VTI1A: variants seen among roughly 807,000 people sequenced by gnomAD.
VTI1A encodes vesicle transport through interaction with t-SNAREs 1A, also known as vesicle transport through interaction with t-SNAREs homolog 1A.
VTI1A carries 22 observed loss-of-function variants against 34.9 expected under a neutral mutation model. That is an observed-to-expected ratio of 0.63 (90% CI 0.45 to 0.90). VTI1A has a LOEUF of 0.90. Among genes scored for constraint, VTI1A ranks in the 40% least tolerant of loss-of-function variants. The pLI is 0.00. For synonymous variants in VTI1A, 87 were observed against 97.3 expected (o/e 0.89, Z 0.62); for missense variants, 268 against 275.6 (o/e 0.97, Z 0.20).
At chr10:112,850,358 G>GA in the VTI1A span, among the ~76,000 whole-genome samples, 8,286 of 143,570 alleles carry the variant, frequency 0.058, 526 homozygotes, top group African/African-American at 0.16. Context: ...ACCTTTAAAG[G>GA]AAAAAAAAAA....
intron 4 of VTI1A, 45 bp from the exon 5 acceptor site, chr10:112,538,201 T>C: frequency 6.4e-7 from 1 of 1,565,218 alleles, no homozygotes; most frequent in Non-Finnish European, 8.8e-7. Flanking sequence ...AAAAGAACAT[T>C]GTAGACGGCC....
At chr10:112,590,199 A>C (rs1206685835) in intron 5 of VTI1A, among the ~76,000 whole-genome samples, 1 of 152,154 alleles carries the variant, frequency 6.6e-6, no homozygotes, top group African/African-American at 2.4e-5. Context: ...AGTTTAGTTG[A>C]TATTAAGAAA....
chr10:112,747,113 A>G (rs1564909871), intron 7 of VTI1A, among the ~76,000 whole-genome samples: 1 of 152,218 alleles, frequency 6.6e-6, no homozygotes, highest in East Asian at 1.9e-4. Context: ...ACTGTTACAC[A>G]GTGAGGTCCA....
chr10:112,587,797 G>A (rs1368973574), intron 5 of VTI1A, among the ~76,000 whole-genome samples: 1 of 152,076 alleles, frequency 6.6e-6, no homozygotes, highest in Non-Finnish European at 1.5e-5. Flanking sequence ...AGTATTAGGG[G>A]AGAAAATGAC....
chr10:112,830,849 A>ATATTTTTT, the VTI1A span, among the ~76,000 whole-genome samples: 5 of 33,498 alleles, frequency 1.5e-4, no homozygotes, highest in South Asian at 4.8e-3. Flanking sequence ...ATATATATAT[A>ATATTTTTT]TTTTTTTTTT....
chr10:112,562,636 T>A (rs1283328039), intron 5 of VTI1A, among the ~76,000 whole-genome samples: 1 of 152,076 alleles, frequency 6.6e-6, no homozygotes, highest in African/African-American at 2.4e-5. Flanking sequence ...GGCAATCGCA[T>A]GTTGTGGGGA....
intron 7 of VTI1A, among the ~76,000 whole-genome samples, chr10:112,797,154 C>G (rs1175152168): frequency 6.6e-6 from 1 of 152,206 alleles, no homozygotes; most frequent in African/African-American, 2.4e-5. Flanking sequence ...GTGATATTTT[C>G]TAAATCTTTC....
At chr10:112,458,645 T>C (rs1157743503) in intron 1 of VTI1A, among the ~76,000 whole-genome samples, 1 of 103,694 alleles carries the variant, frequency 9.6e-6, no homozygotes, top group Non-Finnish European at 1.9e-5. Context: ...ATTATATATA[T>C]ATTTTTATTT....
intron 7 of VTI1A, among the ~76,000 whole-genome samples, chr10:112,714,297 AG>A (rs1174918755): frequency 2.0e-5 from 3 of 152,182 alleles, no homozygotes; most frequent in African/African-American, 7.2e-5. Context: ...ATCTCAGATA[AG>A]CCCCTCATCA....
chr10:112,588,303 G>C (rs1564838700), intron 5 of VTI1A, among the ~76,000 whole-genome samples: 1 of 151,212 alleles, frequency 6.6e-6, no homozygotes, highest in African/African-American at 2.4e-5. Flanking sequence ...CCATTATGAA[G>C]TTTTTTTTTC....
chr10:112,615,529 G>C (rs747932948), intron 5 of VTI1A, among the ~76,000 whole-genome samples: 4 of 152,076 alleles, frequency 2.6e-5, no homozygotes, highest in Non-Finnish European at 4.4e-5. Flanking sequence ...AGTTGGTGGT[G>C]AACAAAATAG....
At chr10:112,753,290 A>G (rs1002662994) in intron 7 of VTI1A, among the ~76,000 whole-genome samples, 1 of 151,742 alleles carries the variant, frequency 6.6e-6, no homozygotes, top group Non-Finnish European at 1.5e-5. Flanking sequence ...AATAATAATA[A>G]TAATACAACC....
At chr10:112,772,046 GT>G (rs1337637091) in intron 7 of VTI1A, among the ~76,000 whole-genome samples, 1 of 152,204 alleles carries the variant, frequency 6.6e-6, no homozygotes, top group Non-Finnish European at 1.5e-5. Context: ...GTGGACATAT[GT>G]TTTTATTCTC....
intron 4 of VTI1A, among the ~76,000 whole-genome samples, chr10:112,533,372 T>C (rs1850512716): frequency 6.6e-6 from 1 of 152,118 alleles, no homozygotes; most frequent in Non-Finnish European, 1.5e-5. Context: ...ATGTAGTCTA[T>C]GTTTAGGTTC....
At chr10:112,756,419 A>G (rs1212724874) in intron 7 of VTI1A, among the ~76,000 whole-genome samples, 1 of 152,166 alleles carries the variant, frequency 6.6e-6, no homozygotes, top group Admixed American at 6.5e-5. Flanking sequence ...GGCTCCGACT[A>G]CATGACACTG....
chr10:112,538,198 C>T, intron 4 of VTI1A, 48 bp from the exon 5 acceptor site: 1 of 1,543,768 alleles, frequency 6.5e-7, no homozygotes, highest in South Asian at 1.1e-5. Flanking sequence ...AAAAAAAGAA[C>T]ATTGTAGACG....
intron 5 of VTI1A, among the ~76,000 whole-genome samples, chr10:112,585,695 A>G (rs1468671925): frequency 1.4e-5 from 2 of 141,636 alleles, no homozygotes; most frequent in East Asian, 2.0e-4. Context: ...GTTGTGTCAC[A>G]TACACCCTCG....
At chr10:112,553,914 C>A (rs1851456578) in intron 5 of VTI1A, among the ~76,000 whole-genome samples, 2 of 152,116 alleles carry the variant, frequency 1.3e-5, no homozygotes, top group South Asian at 4.1e-4. Flanking sequence ...TATTTCTTGC[C>A]TACTTCACTG....
the VTI1A span, chr10:112,831,978 C>CG: frequency 1.5e-4 from 23 of 152,198 alleles, no homozygotes; most frequent in African/African-American, 5.3e-4. Context: ...GCCCCGCGCT[C>CG]TTGCCGGCCG....
Sources: gnomAD v4.1 joint callset for allele counts (sites outside exome capture counted in the v4.1 genomes callset) on GRCh38, gnomAD v4.1.1 for gene constraint, MANE v1.5 for transcripts, NCBI Gene and HGNC (gene_info 2026-07-23, HGNC 2026-07-21) for gene names.